The following CRIM1 variants were observed in gnomAD, a reference collection of about 807,000 sequenced individuals.
CRIM1 encodes cysteine rich transmembrane BMP regulator 1.
A neutral mutation model predicts 116.4 loss-of-function variants in CRIM1; 32 were observed. The ratio of observed to expected loss-of-function variants is 0.27; its 90% CI spans 0.21 to 0.37. CRIM1 has a LOEUF of 0.37. Among genes scored for constraint, CRIM1 ranks in the 10% least tolerant of loss-of-function variants. The pLI is 1.00. For missense variants in CRIM1, 1,331 were observed against 1,354.8 expected, an observed-to-expected ratio of 0.98 and a Z score of 0.28; for synonymous variants, 590 against 509.2, an observed-to-expected ratio of 1.16 and a Z score of -2.13.
intron 4 of CRIM1, among the ~76,000 whole-genome samples, chr2:36,447,932 C>T (rs1676377013): frequency 6.6e-6 from 1 of 152,204 alleles, no homozygotes; most frequent in South Asian, 2.1e-4. Context: ...TATAGTTAAG[C>T]CCCCTGTGTG....
intron 2 of CRIM1, among the ~76,000 whole-genome samples, chr2:36,417,388 T>C (rs1464690551): frequency 6.6e-6 from 1 of 152,236 alleles, no homozygotes; most frequent in African/African-American, 2.4e-5. Flanking sequence ...TTTACTCACC[T>C]GTTTACCAAT....
At chr2:36,364,865 A>T (rs1419457777) in intron 1 of CRIM1, among the ~76,000 whole-genome samples, 2 of 152,120 alleles carry the variant, frequency 1.3e-5, no homozygotes, top group African/African-American at 2.4e-5. Context: ...GTATGTGTAT[A>T]TGCTAGTTTC....
chr2:36,420,350 G>A (rs1372572339), intron 2 of CRIM1, among the ~76,000 whole-genome samples: 4 of 152,250 alleles, frequency 2.6e-5, no homozygotes, highest in African/African-American at 9.6e-5. Context: ...TAAGTTAAAG[G>A]GGTGAAGTAA....
At chr2:36,387,510 G>C (rs989279250) in intron 1 of CRIM1, among the ~76,000 whole-genome samples, 1 of 152,156 alleles carries the variant, frequency 6.6e-6, no homozygotes, top group Non-Finnish European at 1.5e-5. Context: ...CATGGAACAG[G>C]GGAGAAGACC....
intron 5 of CRIM1, among the ~76,000 whole-genome samples, chr2:36,467,737 T>C (rs559216303): frequency 9.6e-4 from 146 of 152,344 alleles, no homozygotes; most frequent in African/African-American, 3.4e-3. Flanking sequence ...GCCTATGCAG[T>C]TGTGGGAGTT....
intron 5 of CRIM1, among the ~76,000 whole-genome samples, chr2:36,469,293 T>C (rs1305634549): frequency 6.6e-6 from 1 of 150,904 alleles, no homozygotes; most frequent in Non-Finnish European, 1.5e-5. Context: ...AAAGGGGATC[T>C]GAATACAACT....
chr2:36,461,433 C>T (rs1258182297), intron 4 of CRIM1, among the ~76,000 whole-genome samples: 1 of 152,164 alleles, frequency 6.6e-6, no homozygotes, highest in Non-Finnish European at 1.5e-5. Flanking sequence ...GTACAGGTTG[C>T]ATGCGTCAGT....
chr2:36,456,933 T>C (rs1490600496), intron 4 of CRIM1, among the ~76,000 whole-genome samples: 1 of 152,052 alleles, frequency 6.6e-6, no homozygotes, highest in Non-Finnish European at 1.5e-5. Flanking sequence ...TCCTAGAAGA[T>C]AATTGTTAAA....
chr2:36,547,764 A>G (rs1667455675), intron 16 of CRIM1, among the ~76,000 whole-genome samples: 2 of 152,214 alleles, frequency 1.3e-5, no homozygotes, highest in South Asian at 4.1e-4. Flanking sequence ...TTTTCAGTAC[A>G]AACATAAAGG....
intron 2 of CRIM1, among the ~76,000 whole-genome samples, chr2:36,427,225 AAAG>A (rs1359528623): frequency 1.3e-5 from 2 of 151,978 alleles, no homozygotes; most frequent in East Asian, 1.9e-4. Context: ...AAGAAAAGAA[AAAG>A]AAGAGGAGAA....
intron 1 of CRIM1, among the ~76,000 whole-genome samples, chr2:36,370,630 A>T (rs187334752): frequency 1.3e-5 from 2 of 152,322 alleles, no homozygotes; most frequent in African/African-American, 4.8e-5. Context: ...TTATATTTTT[A>T]AAATTGTGTG....
intron 9 of CRIM1, 75 bp downstream of exon 9, chr2:36,510,214 A>C: frequency 7.0e-7 from 1 of 1,433,612 alleles, no homozygotes; most frequent in Non-Finnish European, 9.6e-7. Flanking sequence ...TTTGTTTTAT[A>C]TGTTGTTTGT....
At chr2:36,454,909 C>G (rs371302900) in intron 4 of CRIM1, among the ~76,000 whole-genome samples, 1 of 151,992 alleles carries the variant, frequency 6.6e-6, no homozygotes, top group African/African-American at 2.4e-5. Context: ...GAGACAGATA[C>G]AGAAGGAGGA....
chr2:36,401,172 A>G (rs1672378429), intron 2 of CRIM1, among the ~76,000 whole-genome samples: 1 of 152,206 alleles, frequency 6.6e-6, no homozygotes, highest in South Asian at 2.1e-4. Flanking sequence ...CTGGGCATTG[A>G]AAAAGTTCCT....
chr2:36,450,094 G>A (rs1442359699), intron 4 of CRIM1, among the ~76,000 whole-genome samples: 1 of 151,928 alleles, frequency 6.6e-6, no homozygotes. Flanking sequence ...CAGAAGCAGA[G>A]AATATCTGGC....
intron 12 of CRIM1, among the ~76,000 whole-genome samples, chr2:36,520,634 A>T (rs774152250): frequency 1.3e-5 from 2 of 152,196 alleles, no homozygotes; most frequent in Non-Finnish European, 2.9e-5. Flanking sequence ...GGGACTAGTC[A>T]TAGGAGATAC....
intron 4 of CRIM1, among the ~76,000 whole-genome samples, chr2:36,448,395 G>C (rs191639100): frequency 1.2e-4 from 19 of 152,330 alleles, no homozygotes; most frequent in Admixed American, 1.2e-3. Flanking sequence ...CAAGAAGATA[G>C]AGAGTTCTAA....
intron 13 of CRIM1, among the ~76,000 whole-genome samples, chr2:36,530,174 T>C (rs1372755160): frequency 2.0e-5 from 3 of 152,256 alleles, no homozygotes; most frequent in South Asian, 4.1e-4. Context: ...CTCTGCCTCA[T>C]TGAAATTGTC....
In CRIM1 at chr2:36,537,420, G is replaced by A; in HGVS notation, c.2497G>A (p.Asp833Asn). Residue 833 changes from aspartate to asparagine, a missense_variant, in exon 14 of 17, where the codon GAC becomes AAC. By Grantham distance (23) the Asp-to-Asn change is conservative (BLOSUM62 1). Around this residue, in one of 3 missense-constraint regions of CRIM1, gnomAD observed 358 missense variants for 436.1 expected, o/e 0.82. Coordinates refer to ENST00000280527, the MANE Select transcript of CRIM1 (RefSeq NM_016441.3). ...GKAYADEERW[D>N]LDSCTHCYCL... Reference sequence around the variant, plus strand: ...GGCCTATGCCGACGAGGAGCGGTGGGACCTTGACAGCTGCACCCACTGCTA... The same window carrying A: ...GGCCTATGCCGACGAGGAGCGGTGGAACCTTGACAGCTGCACCCACTGCTA... 6.2e-7 allele frequency: 1 copy of A among 1,614,208 alleles called. No homozygotes were observed. Among genetic ancestry groups the A allele is most frequent in the Non-Finnish European group, 8.5e-7 (1 of 1,180,028 alleles).
Sources: gnomAD v4.1 joint callset for allele counts (sites outside exome capture counted in the v4.1 genomes callset) on GRCh38, gnomAD v4.1.1 for gene constraint, gnomAD v4.1.1 regional missense constraint, MANE v1.5 for transcripts, NCBI Gene and HGNC (gene_info 2026-07-23, HGNC 2026-07-21) for gene names.